The following ASIC2 variants were observed in gnomAD, a reference collection of about 807,000 sequenced individuals.
The protein encoded by ASIC2 is acid sensing ion channel subunit 2, also known as acid-sensing ion channel 2.
A neutral mutation model predicts 57.3 loss-of-function variants in ASIC2; 25 were observed. The ratio of observed to expected loss-of-function variants is 0.44; its 90% confidence interval spans 0.32 to 0.61. The LOEUF is 0.61. Among genes scored for constraint, ASIC2 ranks in the 20% least tolerant of loss-of-function variants. ASIC2 has a pLI of 0.06. For synonymous variants in ASIC2, 319 were observed against 307.5 expected (o/e 1.04, Z -0.39); for missense variants, 641 against 738.1 (o/e 0.87, Z 1.52).
intron 1 of ASIC2, among the ~76,000 whole-genome samples, chr17:33,480,210 C>T (rs968883638): frequency 6.6e-6 from 1 of 152,190 alleles, no homozygotes; most frequent in Non-Finnish European, 1.5e-5. Context: ...ACAAAAGTGT[C>T]ATGGTTCCTG....
chr17:34,074,763 CTTTT>C (rs1344162431), intron 1 of ASIC2, among the ~76,000 whole-genome samples: 1 of 147,048 alleles, frequency 6.8e-6, no homozygotes, highest in East Asian at 2.0e-4. Context: ...CAGAGTGTGG[CTTTT>C]TTCTTTCTTT....
intron 1 of ASIC2, among the ~76,000 whole-genome samples, chr17:33,870,624 G>C (rs1313120218): frequency 2.0e-5 from 3 of 152,004 alleles, no homozygotes; most frequent in African/African-American, 7.3e-5. Context: ...ATGAGTGGGT[G>C]GGTGTGGGGA....
intron 1 of ASIC2, among the ~76,000 whole-genome samples, chr17:34,000,250 A>AATTTT (rs1906294424): frequency 8.4e-6 from 1 of 119,226 alleles, no homozygotes; most frequent in Non-Finnish European, 1.7e-5. Flanking sequence ...GTGGAGATCT[A>AATTTT]TTTTTTTTTT....
chr17:33,155,388 C>G (rs1231203050), intron 1 of ASIC2, among the ~76,000 whole-genome samples: 1 of 152,186 alleles, frequency 6.6e-6, no homozygotes, highest in Non-Finnish European at 1.5e-5. Flanking sequence ...TGCAGGGAAT[C>G]CATTTCCTCT....
At chr17:33,768,619 A>AC (rs1555559673) in intron 1 of ASIC2, among the ~76,000 whole-genome samples, 10 of 152,080 alleles carry the variant, frequency 6.6e-5, no homozygotes, top group Admixed American at 4.6e-4. Context: ...CCCCAGTGAA[A>AC]CCCCACCTTC....
intron 1 of ASIC2, among the ~76,000 whole-genome samples, chr17:33,606,464 C>G (rs1222399060): frequency 6.6e-6 from 1 of 152,166 alleles, no homozygotes; most frequent in Non-Finnish European, 1.5e-5. Flanking sequence ...ATACGGGCTC[C>G]ACAGCAGTTC....
At chr17:33,196,977 A>G (rs1241784762) in intron 1 of ASIC2, among the ~76,000 whole-genome samples, 1 of 152,206 alleles carries the variant, frequency 6.6e-6, no homozygotes, top group Non-Finnish European at 1.5e-5. Flanking sequence ...AAGCTGGTAC[A>G]TGGGACAGGG....
intron 3 of ASIC2, among the ~76,000 whole-genome samples, chr17:33,076,308 A>G (rs2092088877): frequency 6.6e-6 from 1 of 152,202 alleles, no homozygotes; most frequent in Non-Finnish European, 1.5e-5. Flanking sequence ...TTACAGGGGC[A>G]GTCCGGGTAG....
intron 1 of ASIC2, among the ~76,000 whole-genome samples, chr17:33,602,809 CA>C (rs773611018): frequency 2.6e-5 from 4 of 152,208 alleles, no homozygotes; most frequent in Non-Finnish European, 4.4e-5. Context: ...ATAGCTCTAG[CA>C]ATGGGGCTTA....
At chr17:33,950,164 T>C (rs777676483) in intron 1 of ASIC2, among the ~76,000 whole-genome samples, 1 of 152,350 alleles carries the variant, frequency 6.6e-6, no homozygotes, top group Non-Finnish European at 1.5e-5. Flanking sequence ...TTGTCTCTAA[T>C]CAGGCGCTTT....
At chr17:33,089,997 C>G (rs752184439) in intron 2 of ASIC2, among the ~76,000 whole-genome samples, 2 of 152,210 alleles carry the variant, frequency 1.3e-5, no homozygotes, top group African/African-American at 2.4e-5. Flanking sequence ...AGAATGAGCT[C>G]TCCAAATGTA....
At chr17:34,047,942 T>C (rs1372466868) in intron 1 of ASIC2, among the ~76,000 whole-genome samples, 4 of 152,222 alleles carry the variant, frequency 2.6e-5, no homozygotes, top group African/African-American at 9.6e-5. Flanking sequence ...GGAAACATTA[T>C]ACAACCTCAA....
At chr17:34,050,132 G>T (rs765079573) in intron 1 of ASIC2, among the ~76,000 whole-genome samples, 6 of 152,202 alleles carry the variant, frequency 3.9e-5, no homozygotes, top group Non-Finnish European at 2.9e-5. Flanking sequence ...CCACATGCCT[G>T]AACCTTGGGA....
intron 1 of ASIC2, among the ~76,000 whole-genome samples, chr17:33,126,476 G>T (rs147075022): frequency 6.6e-6 from 1 of 152,258 alleles, no homozygotes; most frequent in East Asian, 1.9e-4. Flanking sequence ...GAGTTCTGAG[G>T]GGTTGTCTGA....
chr17:33,773,413 C>T (rs1347610680), intron 1 of ASIC2, among the ~76,000 whole-genome samples: 1 of 152,158 alleles, frequency 6.6e-6, no homozygotes, highest in Non-Finnish European at 1.5e-5. Context: ...TTAGCTTGTT[C>T]TAGCTTTTGG....
At chr17:33,926,282 G>A (rs1460388381) in intron 1 of ASIC2, among the ~76,000 whole-genome samples, 8 of 152,244 alleles carry the variant, frequency 5.3e-5, no homozygotes, top group East Asian at 1.9e-4. Flanking sequence ...AAAACCTTGC[G>A]GAAGTATTAC....
At chr17:34,091,817 T>C (rs1329813368) in intron 1 of ASIC2, among the ~76,000 whole-genome samples, 1 of 152,212 alleles carries the variant, frequency 6.6e-6, no homozygotes, top group Non-Finnish European at 1.5e-5. Context: ...ATGTACAGGC[T>C]TTGGAATCAG....
chr17:34,056,073 C>A (rs746863896), intron 1 of ASIC2, among the ~76,000 whole-genome samples: 1 of 151,842 alleles, frequency 6.6e-6, no homozygotes, highest in Admixed American at 6.6e-5. Flanking sequence ...TTGATAAATA[C>A]GGTCAAGAAT....
At chr17:33,949,761 C>T (rs1038381241) in intron 1 of ASIC2, among the ~76,000 whole-genome samples, 10 of 152,152 alleles carry the variant, frequency 6.6e-5, no homozygotes, top group African/African-American at 1.4e-4. Flanking sequence ...TCTTATCAAA[C>T]GGTTGTACAA....
Sources: allele counts gnomAD v4.1 joint callset (sites outside exome capture counted in the v4.1 genomes callset), GRCh38; gene constraint gnomAD v4.1.1; transcripts MANE v1.5; gene names NCBI Gene and HGNC (gene_info 2026-07-23, HGNC 2026-07-21).